The following LRRC37A variants were observed in gnomAD, a reference collection of about 807,000 sequenced individuals.
LRRC37A encodes the protein leucine-rich repeat-containing protein 37A.
A neutral mutation model predicts 35.4 loss-of-function variants in LRRC37A; 3 were observed. That is an observed-to-expected ratio of 0.08 (90% confidence interval 0.04 to 0.22). The LOEUF is 0.22. LRRC37A is among the 10% of genes least tolerant of loss of function. The probability of loss-of-function intolerance (pLI) is 1.00; values close to 1 mark genes in which losing one functional copy is unlikely to be tolerated. For missense variants in LRRC37A, 67 were observed against 565.3 expected, an observed-to-expected ratio of 0.12 and a Z score of 8.94; for synonymous variants, 23 against 215.0, an observed-to-expected ratio of 0.11 and a Z score of 7.81.
chr17:46,252,417 C>G, the LRRC37A span, among the ~76,000 whole-genome samples: 26 of 144,002 alleles, frequency 1.8e-4, no homozygotes, highest in African/African-American at 6.4e-4. Flanking sequence ...GGGTGTTTCT[C>G]GCAGAGGGGG....
chr17:46,317,174 C>CT, intron 5 of LRRC37A, among the ~76,000 whole-genome samples: 1 of 87,806 alleles, frequency 1.1e-5, no homozygotes, highest in Middle Eastern at 5.2e-3. Flanking sequence ...CTCCTCACAT[C>CT]CCAGACGGGC....
At chr17:46,257,209 G>A in the LRRC37A span, among the ~76,000 whole-genome samples, 14,874 of 142,420 alleles carry the variant, frequency 0.1, no homozygotes, top group Middle Eastern at 0.17. Flanking sequence ...CACTTTGGGA[G>A]GCCGAGGAGG....
the LRRC37A span, among the ~76,000 whole-genome samples, chr17:46,266,324 C>T: frequency 2.6e-5 from 4 of 152,202 alleles, no homozygotes; most frequent in African/African-American, 9.7e-5. Context: ...CACCGCAGCG[C>T]GCAAACGCAC....
At chr17:46,268,903 G>A in the LRRC37A span, among the ~76,000 whole-genome samples, 1 of 152,354 alleles carries the variant, frequency 6.6e-6, no homozygotes, top group South Asian at 2.1e-4. Context: ...GTGTCAAGGT[G>A]ATTCAACTGT....
the LRRC37A span, among the ~76,000 whole-genome samples, chr17:46,276,790 C>CTTTTCTTTTTTTTTTTTTTTT: frequency 4.5e-5 from 6 of 134,300 alleles, no homozygotes; most frequent in Non-Finnish European, 8.0e-5. Context: ...TTCTTTTTTT[C>CTTTTCTTTTTTTTTTTTTTTT]TTTTTTTTTT....
the LRRC37A span, among the ~76,000 whole-genome samples, chr17:46,257,452 C>CAAAAAAA: frequency 1.2e-5 from 1 of 83,322 alleles, no homozygotes; most frequent in Non-Finnish European, 2.2e-5. Context: ...GACTCTGTCT[C>CAAAAAAA]AAAAAAAAAA....
At chr17:46,284,076 G>C in the LRRC37A span, among the ~76,000 whole-genome samples, 1 of 152,270 alleles carries the variant, frequency 6.6e-6, no homozygotes, top group South Asian at 2.1e-4. Context: ...GCCCAGGGAC[G>C]GGCAGGAGAC....
At chr17:46,264,505 C>A in the LRRC37A span, among the ~76,000 whole-genome samples, 1 of 152,172 alleles carries the variant, frequency 6.6e-6, no homozygotes, top group Non-Finnish European at 1.5e-5. Flanking sequence ...TACCAAGCAA[C>A]CTGATGATAA....
At chr17:46,274,689 G>A in the LRRC37A span, 2 of 152,536 alleles carry the variant, frequency 1.3e-5, no homozygotes, top group Non-Finnish European at 2.9e-5. Flanking sequence ...TTTTCTTTGA[G>A]ACTCTAAACC....
chr17:46,317,135 C>A lies in LRRC37A; in HGVS notation c.2907-5187C>A, dbSNP rs563869643. On this transcript the variant is annotated intron_variant, in intron 5 of 13. Transcript: ENST00000320254. ...CTCAATGAGCTGTTGGGTACACCTC[C>A]CAGATGGGGTGGCGGCCGGGCAGAG... 2.3e-4 allele frequency among the ~76,000 whole-genome samples: 21 copies of A among 89,370 alleles called. 3 individuals are homozygous for A. Among genetic ancestry groups the A allele is most frequent in the African/African-American group, 6.2e-4 (21 of 33,642 alleles). The allele number at this position is 89,370 out of a possible 152,430, so 58.6% of individuals were successfully genotyped here. A position where few individuals can be genotyped will look rare whatever the true frequency, so the allele number is the denominator to read the frequency against.
At chr17:46,289,441 G>C (rs1472033356), upstream of LRRC37A, among the ~76,000 whole-genome samples, 1 of 152,102 alleles carries the variant, frequency 6.6e-6, no homozygotes, top group Non-Finnish European at 1.5e-5. Flanking sequence ...AAAGTGCTGG[G>C]ATGACAGTTA....
At chr17:46,269,619 G>A in the LRRC37A span, among the ~76,000 whole-genome samples, 3 of 152,262 alleles carry the variant, frequency 2.0e-5, no homozygotes, top group East Asian at 3.8e-4. Flanking sequence ...TCAGGCAAAA[G>A]TGTTCCTGAT....
intron 5 of LRRC37A, among the ~76,000 whole-genome samples, chr17:46,316,187 G>A (rs1440532947): frequency 6.2e-5 from 1 of 16,230 alleles, no homozygotes; most frequent in African/African-American, 1.6e-4. Context: ...GCCTCCCAAA[G>A]TGCTGGGATT....
rs901930198 is a variant in LRRC37A at position 46,308,139 on chromosome 17, A to C, written c.2906+1830A>C. Among the ~76,000 whole-genome samples, 5 of 55,400 alleles carry C rather than the reference A, an allele frequency of 9.0e-5. 1 individual carries two copies. The highest frequency in any genetic ancestry group is 1.1e-4 in the Non-Finnish European group (2 of 18,770). The allele number at this position is 55,400 out of a possible 152,430, so 36.3% of individuals were successfully genotyped here. The stretch of plus-strand genomic sequence containing the variant: ...TAAAAATTAATGAATTCACTCAAAA[A>C]CATTCAGAGTGTCATGTCCATTTGT... On this transcript the variant is annotated intron_variant, in intron 5 of 13. Coordinates refer to ENST00000320254, the Ensembl canonical transcript of LRRC37A.
At chr17:46,288,155 A>ACTGTTTT (rs2049968363), upstream of LRRC37A, among the ~76,000 whole-genome samples, 4 of 139,908 alleles carry the variant, frequency 2.9e-5, no homozygotes, top group Admixed American at 7.4e-5. Flanking sequence ...GTTACCACTA[A>ACTGTTTT]CTTTTTTCTT....
At position 46,305,565 on chromosome 17, in the gene LRRC37A, CAT is replaced by C. The variant is rs1472656713; in HGVS notation, c.2811_2812del (p.Leu939GlufsTer6). 3 of 368,940 alleles carry C rather than the reference CAT, an allele frequency of 8.1e-6. No individual in the cohort carries two copies. The highest frequency in any genetic ancestry group is 7.2e-5 in the African/African-American group (3 of 41,532). 22.9% of individuals were successfully genotyped at this position (368,940 alleles called of 1,614,324 possible). On this transcript the variant is annotated frameshift_variant, in exon 4 of 14. Coordinates refer to ENST00000320254, the Ensembl canonical transcript of LRRC37A. LOFTEE classifies it high-confidence loss of function. ...GAAAGACATACATTTGAACCACTAC[CAT>C]TTTTGAAGTTTATGTAAGTTACAAA...
chr17:46,268,596 G>A, the LRRC37A span: 2 of 1,543,544 alleles, frequency 1.3e-6, no homozygotes, highest in Middle Eastern at 1.7e-4. Flanking sequence ...TCTCTGTCCA[G>A]GGGATGGACT....
At chr17:46,260,639 T>TC in the LRRC37A span, 2 of 1,417,138 alleles carry the variant, frequency 1.4e-6, no homozygotes, top group African/African-American at 3.0e-5. Flanking sequence ...TTTTTTTTTT[T>TC]TGAGACGTAG....
chr17:46,281,586 T>C, the LRRC37A span, among the ~76,000 whole-genome samples: 2 of 152,218 alleles, frequency 1.3e-5, no homozygotes, highest in South Asian at 2.1e-4. Flanking sequence ...CACGCCACTA[T>C]GCCTGGTTAA....
Sources: allele counts gnomAD v4.1 joint callset (sites outside exome capture counted in the v4.1 genomes callset), GRCh38; gene constraint gnomAD v4.1.1; transcripts MANE v1.5; gene names NCBI Gene and HGNC (gene_info 2026-07-23, HGNC 2026-07-21).